ERBB4: variants seen among roughly 807,000 people sequenced by gnomAD.
ERBB4 encodes the protein erb-b2 receptor tyrosine kinase 4.
ERBB4 carries 42 observed loss-of-function variants against 158.0 expected under a neutral mutation model. That is an observed-to-expected ratio of 0.27 (90% CI 0.21 to 0.34). The LOEUF (loss-of-function observed/expected upper bound fraction) is 0.34, where lower values mean the gene tolerates loss of function less well. Among genes scored for constraint, ERBB4 ranks in the 10% least tolerant of loss-of-function variants. ERBB4 has a pLI of 1.00. For missense variants in ERBB4, 1,333 were observed against 1,624.1 expected (o/e 0.82, Z 3.08); for synonymous variants, 583 against 558.7 (o/e 1.04, Z -0.61).
chr2:211,860,974 T>TA (rs57175399), intron 3 of ERBB4, among the ~76,000 whole-genome samples: 1 of 97,860 alleles, frequency 1.0e-5, no homozygotes, highest in African/African-American at 4.1e-5. Flanking sequence ...ATAAATATAT[T>TA]TAAATATATT....
intron 2 of ERBB4, among the ~76,000 whole-genome samples, chr2:211,991,574 T>C (rs1035500585): frequency 6.6e-6 from 1 of 152,132 alleles, no homozygotes; most frequent in East Asian, 1.9e-4. Context: ...GGAAAGGAGA[T>C]ATATACTTGA....
intron 1 of ERBB4, among the ~76,000 whole-genome samples, chr2:212,306,923 G>A (rs1225939807): frequency 6.6e-6 from 1 of 151,216 alleles, no homozygotes; most frequent in Non-Finnish European, 1.5e-5. Context: ...AAGATTTCTG[G>A]ATGGCATTTT....
chr2:211,454,869 C>T (rs1344497865), intron 20 of ERBB4, among the ~76,000 whole-genome samples: 2 of 152,196 alleles, frequency 1.3e-5, no homozygotes, highest in African/African-American at 4.8e-5. Context: ...AGTGCCTCCC[C>T]GCCAGGACGG....
At chr2:212,093,872 A>G (rs2078851819) in intron 2 of ERBB4, among the ~76,000 whole-genome samples, 1 of 152,150 alleles carries the variant, frequency 6.6e-6, no homozygotes, top group Non-Finnish European at 1.5e-5. Flanking sequence ...ACACATCAGA[A>G]AAAAATAAGT....
At chr2:212,297,922 AAAGT>A (rs1368696519) in intron 1 of ERBB4, among the ~76,000 whole-genome samples, 1 of 151,732 alleles carries the variant, frequency 6.6e-6, no homozygotes, top group Non-Finnish European at 1.5e-5. Flanking sequence ...ATTTTGAAAT[AAAGT>A]AAGTTCAATA....
chr2:212,029,411 CCTTCTACAT>C (rs767932362), intron 2 of ERBB4, among the ~76,000 whole-genome samples: 1 of 152,048 alleles, frequency 6.6e-6, no homozygotes, highest in Non-Finnish European at 1.5e-5. Context: ...ATACTAGCAG[CCTTCTACAT>C]TTCCTAAGCA....
chr2:211,640,510 A>G (rs1264922641), intron 16 of ERBB4, among the ~76,000 whole-genome samples: 3 of 152,170 alleles, frequency 2.0e-5, no homozygotes, highest in Admixed American at 6.6e-5. Context: ...AACTCTTCCA[A>G]TATAATTGAT....
intron 2 of ERBB4, among the ~76,000 whole-genome samples, chr2:211,996,819 T>G (rs1330832278): frequency 6.6e-6 from 1 of 152,202 alleles, no homozygotes; most frequent in Non-Finnish European, 1.5e-5. Flanking sequence ...TGGGACCACC[T>G]TTATGGTCAT....
At chr2:211,989,267 C>A (rs2082011075) in intron 2 of ERBB4, among the ~76,000 whole-genome samples, 1 of 151,902 alleles carries the variant, frequency 6.6e-6, no homozygotes, top group Non-Finnish European at 1.5e-5. Flanking sequence ...CTCAATCTTG[C>A]CAAGTATTTT....
chr2:211,571,041 C>CTTCTT (rs2067712042), intron 19 of ERBB4, among the ~76,000 whole-genome samples: 1 of 109,078 alleles, frequency 9.2e-6, no homozygotes, highest in African/African-American at 3.6e-5. Context: ...TACTCTTCTT[C>CTTCTT]TTTTTTTTTT....
At chr2:212,052,736 C>T (rs1204960208) in intron 2 of ERBB4, among the ~76,000 whole-genome samples, 3 of 152,186 alleles carry the variant, frequency 2.0e-5, no homozygotes, top group South Asian at 4.1e-4. Context: ...AAACCACATC[C>T]AGAGAGTGAG....
intron 1 of ERBB4, among the ~76,000 whole-genome samples, chr2:212,449,134 T>C (rs142580072): frequency 1.3e-5 from 2 of 152,306 alleles, no homozygotes; most frequent in African/African-American, 4.8e-5. Context: ...TTTCTTTTAC[T>C]AGTGCTTATT....
rs146782360 is a variant in ERBB4 at position 212,314,471 on chromosome 2, T to C, written c.83-189568A>G. On this transcript the variant is annotated intron_variant, in intron 1 of 27. Coordinates refer to ENST00000342788, the MANE Select transcript of ERBB4 (RefSeq NM_005235.3). ...AAGAAAAATGAAACAGTTAAATTAA[T>C]TCATTAGAAAAAAATTAGTTATTTG... Among the ~76,000 whole-genome samples the C allele has an allele frequency of 1.8e-3, 274 of 151,150 alleles. 6 individuals carry two copies. In the East Asian group the frequency reaches 0.038, roughly 21 times the overall value.
chr2:211,557,797 A>C (rs988500025), intron 20 of ERBB4, among the ~76,000 whole-genome samples: 1 of 152,146 alleles, frequency 6.6e-6, no homozygotes, highest in African/African-American at 2.4e-5. Flanking sequence ...AAATAACTCT[A>C]TTATAAAGAC....
At chr2:211,477,485 T>G (rs563877926) in intron 20 of ERBB4, among the ~76,000 whole-genome samples, 1 of 152,248 alleles carries the variant, frequency 6.6e-6, no homozygotes, top group South Asian at 2.1e-4. Flanking sequence ...TGTTTGGGGA[T>G]GTTCATTTGT....
intron 1 of ERBB4, among the ~76,000 whole-genome samples, chr2:212,304,609 G>C (rs1176083799): frequency 1.3e-5 from 2 of 151,478 alleles, no homozygotes; most frequent in East Asian, 3.9e-4. Context: ...ATGAGCATTT[G>C]ATTTCTCATA....
At chr2:212,370,842 T>A (rs1253721052) in intron 1 of ERBB4, among the ~76,000 whole-genome samples, 1 of 152,166 alleles carries the variant, frequency 6.6e-6, no homozygotes, top group Non-Finnish European at 1.5e-5. Flanking sequence ...CCTTTAGTTA[T>A]ATTTATCCCA....
Position 212,097,502 on chromosome 2 carries a change from G to A in ERBB4, c.234+27250C>T, listed in dbSNP as rs78065356. 5.9e-3 allele frequency among the ~76,000 whole-genome samples: 897 copies of A among 152,248 alleles called. 8 individuals are homozygous for A. Among genetic ancestry groups the A allele is most frequent in the African/African-American group, 0.02 (837 of 41,554 alleles). ...AACCAAATCATAAAGGTTAGCTAAG[G>A]CACAGATATTCAGAAATAAATGTGG... is the stretch of plus-strand genomic sequence containing the variant. On this transcript the variant is annotated intron_variant, in intron 2 of 27. Coordinates refer to ENST00000342788, the MANE Select transcript of ERBB4 (RefSeq NM_005235.3).
intron 25 of ERBB4, among the ~76,000 whole-genome samples, chr2:211,393,246 A>C (rs2062840683): frequency 6.6e-6 from 1 of 152,176 alleles, no homozygotes; most frequent in Non-Finnish European, 1.5e-5. Context: ...ACTAATATAT[A>C]TTATGTACCT....
Sources: gnomAD v4.1 joint callset for allele counts (sites outside exome capture counted in the v4.1 genomes callset) on GRCh38, gnomAD v4.1.1 for gene constraint, MANE v1.5 for transcripts, NCBI Gene and HGNC (gene_info 2026-07-23, HGNC 2026-07-21) for gene names.